Variants in RIN3 observed in about 807,000 individuals in gnomAD.
RIN3 encodes the protein Ras and Rab interactor 3.
Under a neutral mutation model 76.3 loss-of-function variants are expected in RIN3, and 54 were observed. The ratio of observed to expected loss-of-function variants is 0.71; its 90% confidence interval spans 0.57 to 0.89. The LOEUF is 0.89. Among genes scored for constraint, RIN3 ranks in the 40% least tolerant of loss-of-function variants. The pLI is 0.00. For missense variants in RIN3, 1,256 were observed against 1,322.1 expected (o/e 0.95, Z 0.78); for synonymous variants, 576 against 564.0 (o/e 1.02, Z -0.30).
chr14:92,618,275 A>G (rs934456902), intron 4 of RIN3, among the ~76,000 whole-genome samples: 2 of 152,246 alleles, frequency 1.3e-5, no homozygotes, highest in East Asian at 3.9e-4. Flanking sequence ...ATATTCAAAG[A>G]TAAGAGTTTC....
chr14:92,578,414 C>A (rs144387964), intron 3 of RIN3, among the ~76,000 whole-genome samples: 35 of 152,170 alleles, frequency 2.3e-4, no homozygotes, highest in Non-Finnish European at 4.4e-4. Flanking sequence ...TGCTGGGCAC[C>A]CATCTGTGCC....
rs1897984893 is a variant in RIN3, at chr14:92,568,853, C to A, written c.250-8507C>A. ...TTCGGAGCTGGGGAGCTGGCAGAGT[C>A]CAACCTTGGGGACTTTCCAGCCCTG... On this transcript the variant is annotated intron_variant, in intron 2 of 9. Transcript: ENST00000216487. The surrounding 1 kb of genome is among the most constrained non-coding windows in gnomAD (Gnocchi z 4.2). 6.6e-6 allele frequency among the ~76,000 whole-genome samples: 1 copy of A among 152,244 alleles called. No homozygotes were observed. Among genetic ancestry groups the A allele is most frequent in the Non-Finnish European group, 1.5e-5 (1 of 68,044 alleles).
chr14:92,614,615 G>A lies in RIN3; in HGVS notation c.368-792G>A, dbSNP rs569724101. On this transcript the variant is annotated intron_variant, in intron 3 of 9. Transcript: ENST00000216487. ...TGGGAGATAATTGAATCATGGGGGC[G>A]GTTTCCCCCATACTGTTCTCCTGGT... Among the ~76,000 whole-genome samples the A allele has an allele frequency of 5.9e-5, 9 of 151,794 alleles. No homozygotes were observed. The South Asian group carries it at 6.2e-4, about 11-fold the overall frequency.
Position 92,629,945 on chromosome 14 carries a change from C to T in RIN3, c.441-11293C>T, listed in dbSNP as rs532901960. Reference sequence around the variant, plus strand: ...CACAAGGCAAAACATCAGAGGCCTCCTGGCCCTTGGTATGTTATGACACGT... The same window carrying T: ...CACAAGGCAAAACATCAGAGGCCTCTTGGCCCTTGGTATGTTATGACACGT... On this transcript the variant is annotated intron_variant, in intron 4 of 9. Transcript: ENST00000216487. Among the ~76,000 whole-genome samples the T allele has an allele frequency of 1.1e-4, 16 of 152,360 alleles. No individual in the cohort carries two copies. In the East Asian group the frequency reaches 3.1e-3, roughly 29 times the overall value.
chr14:92,515,015 A>G, intron 1 of RIN3: 2 of 462,236 alleles, frequency 4.3e-6, no homozygotes, highest in Non-Finnish European at 7.7e-6. Context: ...TCTGTGAAAC[A>G]GGAGAGTTGG....
intron 3 of RIN3, among the ~76,000 whole-genome samples, chr14:92,592,167 C>T (rs1290467725): frequency 8.6e-5 from 13 of 151,912 alleles, no homozygotes; most frequent in Admixed American, 1.3e-4. Flanking sequence ...TTTGGGAGGC[C>T]GAGGCAGGTG....
chr14:92,560,323 C>T lies in RIN3; in HGVS notation c.249+4368C>T, dbSNP rs144805317. Reference sequence around the variant, plus strand: ...CCACCCCCTTCTGAGGGCGTAGCAGCTGGGCCAGCCCTGAGAACAACAGAG... The same window carrying T: ...CCACCCCCTTCTGAGGGCGTAGCAGTTGGGCCAGCCCTGAGAACAACAGAG... On this transcript the variant is annotated intron_variant, in intron 2 of 9. Coordinates refer to ENST00000216487, the MANE Select transcript of RIN3 (RefSeq NM_024832.5). 1.8e-3 allele frequency among the ~76,000 whole-genome samples: 275 copies of T among 152,286 alleles called. 2 individuals carry two copies. Among genetic ancestry groups the T allele is most frequent in the African/African-American group, 6.5e-3 (269 of 41,562 alleles).
chr14:92,614,852 T>TTC, intron 3 of RIN3, among the ~76,000 whole-genome samples: 1 of 146,694 alleles, frequency 6.8e-6, no homozygotes, highest in East Asian at 2.0e-4. Context: ...GTCTTTTTTT[T>TTC]TTTTTTTTTT....
intron 2 of RIN3, among the ~76,000 whole-genome samples, chr14:92,556,286 T>G (rs943225974): frequency 3.9e-5 from 6 of 151,944 alleles, no homozygotes; most frequent in Middle Eastern, 6.8e-3. Context: ...GCTCTGACTT[T>G]GGGGGCTCAG....
chr14:92,539,513 C>T (rs1897085323), intron 1 of RIN3, among the ~76,000 whole-genome samples: 1 of 152,194 alleles, frequency 6.6e-6, no homozygotes, highest in Admixed American at 6.5e-5. Context: ...CAAGCCCATG[C>T]TTAAACCATG....
chr14:92,515,348 G>A (rs1320813665), intron 1 of RIN3: 3 of 675,472 alleles, frequency 4.4e-6, no homozygotes, highest in East Asian at 2.8e-5. Context: ...AGGGAGGAAG[G>A]GGAGGTGAGG....
intron 4 of RIN3, among the ~76,000 whole-genome samples, chr14:92,635,658 C>G (rs969204368): frequency 1.3e-5 from 2 of 152,026 alleles, no homozygotes; most frequent in South Asian, 4.1e-4. Flanking sequence ...TTGAGACCAG[C>G]CTGGCCAACA....
chr14:92,522,048 A>T (rs1896613660), intron 1 of RIN3, among the ~76,000 whole-genome samples: 1 of 152,118 alleles, frequency 6.6e-6, no homozygotes, highest in Admixed American at 6.5e-5. Flanking sequence ...CAGAGAGAAG[A>T]TTCCATGTGT....
At chr14:92,563,643 G>A (rs995879541) in intron 2 of RIN3, among the ~76,000 whole-genome samples, 1 of 151,930 alleles carries the variant, frequency 6.6e-6, no homozygotes, top group African/African-American at 2.4e-5. Flanking sequence ...AAAAAACAGT[G>A]TCTTGGCCTC....
chr14:92,573,171 C>T (rs539617853), intron 2 of RIN3, among the ~76,000 whole-genome samples: 89 of 152,178 alleles, frequency 5.8e-4, no homozygotes, highest in African/African-American at 2.1e-3. Flanking sequence ...CATGAGCCAC[C>T]GTGCCCGGCC....
intron 2 of RIN3, among the ~76,000 whole-genome samples, chr14:92,573,606 G>C (rs577479799): frequency 6.6e-6 from 1 of 152,208 alleles, no homozygotes; most frequent in Non-Finnish European, 1.5e-5. Flanking sequence ...ACTCAGGTAA[G>C]ATCAAAAGGG....
chr14:92,660,787 G>T (rs1015886438), intron 7 of RIN3, among the ~76,000 whole-genome samples: 1 of 152,250 alleles, frequency 6.6e-6, no homozygotes, highest in African/African-American at 2.4e-5. Flanking sequence ...GGGACTATTT[G>T]TAATCATTTG....
At chr14:92,520,357 G>A (rs2139991899) in intron 1 of RIN3, among the ~76,000 whole-genome samples, 1 of 152,332 alleles carries the variant, frequency 6.6e-6, no homozygotes, top group East Asian at 1.9e-4. Flanking sequence ...GGGAAGCAAG[G>A]ATTCCAGTAG....
chr14:92,665,496 A>G (rs111425312), intron 7 of RIN3, among the ~76,000 whole-genome samples: 1,885 of 146,656 alleles, frequency 0.013, 38 homozygotes, highest in African/African-American at 0.046. Flanking sequence ...CTCTTGCCTC[A>G]GCCTCCTGAT....
Sources: allele counts gnomAD v4.1 joint callset (sites outside exome capture counted in the v4.1 genomes callset), GRCh38; gene constraint gnomAD v4.1.1; non-coding constraint Gnocchi (gnomAD v3.1); transcripts MANE v1.5; gene names NCBI Gene and HGNC (gene_info 2026-07-23, HGNC 2026-07-21).